Variants in NDST4 observed in about 807,000 individuals in gnomAD.
NDST4 encodes the protein N-deacetylase and N-sulfotransferase 4.
NDST4 carries 63 observed loss-of-function variants against 100.8 expected under a neutral mutation model. The observed-to-expected ratio is 0.62, with a 90% confidence interval of 0.51 to 0.77. The LOEUF (loss-of-function observed/expected upper bound fraction) is 0.77, where lower values mean the gene tolerates loss of function less well. Among genes scored for constraint, NDST4 ranks in the 30% least tolerant of loss-of-function variants. The probability of loss-of-function intolerance (pLI) is 0.00; values close to 1 mark genes in which losing one functional copy is unlikely to be tolerated. For synonymous variants in NDST4, 377 were observed against 361.8 expected (o/e 1.04, Z -0.48); for missense variants, 943 against 1,018.4 (o/e 0.93, Z 1.01).
At position 115,083,275 on chromosome 4, in the gene NDST4, A is replaced by T. The variant is rs367578100; in HGVS notation, c.-246-5993T>A. Among the ~76,000 whole-genome samples the T allele has an allele frequency of 2.0e-5, 3 of 152,224 alleles. No individual in the cohort carries two copies. In the East Asian group the frequency reaches 5.8e-4, roughly 29 times the overall value. On this transcript the variant is annotated intron_variant, in intron 1 of 13. Transcript: ENST00000264363. The stretch of plus-strand genomic sequence containing the variant: ...AGACCAGCCTGGACAACAAAACAAG[A>T]TCTTGTCTCAACACAAAAGAAAAAA...
rs766771204 is a variant in NDST4, at chr4:115,076,157, T to C, written c.880A>G (p.Lys294Glu). 6 of 1,613,796 alleles carry C rather than the reference T, an allele frequency of 3.7e-6. No individual in the cohort carries two copies. Among genetic ancestry groups the C allele is most frequent in the Non-Finnish European group, 5.1e-6 (6 of 1,179,910 alleles). ...CTGTCCAAGGACAATGTCAGCCTCT[T>C]CCCTGACAAGAAGGAGATGGCATCT... The part of the protein sequence containing the change: ...FIDAISFLSG[K>E]RLTLSLDRYI... The change falls in exon 2 of 14, where the codon AAG becomes GAG. Residue 294 changes from lysine to glutamate, a missense_variant. Transcript: ENST00000264363.
chr4:114,995,029 T>C (rs932791802), intron 2 of NDST4, among the ~76,000 whole-genome samples: 2 of 152,056 alleles, frequency 1.3e-5, no homozygotes, highest in Non-Finnish European at 2.9e-5. Context: ...GGACCAGAAG[T>C]ATAAATTTAG....
At chr4:115,026,700 G>A (rs896887909) in intron 2 of NDST4, among the ~76,000 whole-genome samples, 1 of 147,458 alleles carries the variant, frequency 6.8e-6, no homozygotes, top group Non-Finnish European at 1.5e-5. Context: ...GGTTGCGGGG[G>A]CTGGGGGGAA....
At chr4:115,066,050 C>T (rs150198676) in intron 2 of NDST4, among the ~76,000 whole-genome samples, 159 of 152,252 alleles carry the variant, frequency 1.0e-3, no homozygotes, top group Non-Finnish European at 1.6e-3. Context: ...TACTGTCACC[C>T]TGTCTTGGTC....
chr4:114,925,134 T>C (rs1725363218), intron 6 of NDST4, among the ~76,000 whole-genome samples: 1 of 152,150 alleles, frequency 6.6e-6, no homozygotes, highest in Non-Finnish European at 1.5e-5. Flanking sequence ...TATTATCTCA[T>C]TGTCATAATT....
At chr4:114,986,832 A>ATATATATATATATATAT in intron 2 of NDST4, among the ~76,000 whole-genome samples, 2 of 94,654 alleles carry the variant, frequency 2.1e-5, no homozygotes, top group African/African-American at 3.7e-5. Context: ...ATATATATAT[A>ATATATATATATATATAT]TTTTAATATA....
chr4:114,946,873 C>T (rs1725877961), intron 4 of NDST4, among the ~76,000 whole-genome samples: 1 of 151,944 alleles, frequency 6.6e-6, no homozygotes, highest in Non-Finnish European at 1.5e-5. Context: ...TTTTCACATG[C>T]TTAAAATTAA....
At chr4:115,012,861 T>C (rs1429916591) in intron 2 of NDST4, among the ~76,000 whole-genome samples, 1 of 152,014 alleles carries the variant, frequency 6.6e-6, no homozygotes, top group Non-Finnish European at 1.5e-5. Context: ...CAATGGAGTA[T>C]TATTTAGAAG....
At chr4:114,879,629 T>C (rs1724324892) in intron 6 of NDST4, among the ~76,000 whole-genome samples, 2 of 152,176 alleles carry the variant, frequency 1.3e-5, no homozygotes, top group African/African-American at 4.8e-5. Flanking sequence ...TTTACTGCTG[T>C]ATCTTCAATG....
At chr4:114,937,257 C>T in intron 5 of NDST4, 61 bp downstream of exon 5, 1 of 1,565,904 alleles carries the variant, frequency 6.4e-7, no homozygotes, top group Non-Finnish European at 8.8e-7. Context: ...AAATGGCCCT[C>T]TGTCTTCATT....
intron 2 of NDST4, among the ~76,000 whole-genome samples, chr4:115,006,583 G>T (rs149170931): frequency 2.0e-5 from 3 of 152,098 alleles, no homozygotes; most frequent in Non-Finnish European, 2.9e-5. Context: ...AGAGGCATAG[G>T]AATGAGATTC....
chr4:115,066,618 G>T (rs913036478), intron 2 of NDST4, among the ~76,000 whole-genome samples: 10 of 152,058 alleles, frequency 6.6e-5, no homozygotes, highest in African/African-American at 1.4e-4. Flanking sequence ...GATACTCTTT[G>T]TTTACATGGA....
chr4:115,098,905 A>T (rs1033595740), intron 1 of NDST4, among the ~76,000 whole-genome samples: 1 of 152,130 alleles, frequency 6.6e-6, no homozygotes, highest in South Asian at 2.1e-4. Context: ...CAGTGGTCTC[A>T]CTATGTTACC....
intron 7 of NDST4, among the ~76,000 whole-genome samples, chr4:114,868,502 T>G (rs1350264759): frequency 6.6e-6 from 1 of 152,100 alleles, no homozygotes; most frequent in East Asian, 1.9e-4. Flanking sequence ...TTTGGCAAAG[T>G]TCATCAGATT....
intron 6 of NDST4, among the ~76,000 whole-genome samples, chr4:114,891,695 C>T (rs1346780249): frequency 6.6e-6 from 1 of 152,126 alleles, no homozygotes; most frequent in African/African-American, 2.4e-5. Flanking sequence ...GCACCAAACA[C>T]TGCATTAATC....
At chr4:114,983,688 G>T (rs1726832209) in intron 2 of NDST4, among the ~76,000 whole-genome samples, 1 of 152,138 alleles carries the variant, frequency 6.6e-6, no homozygotes, top group South Asian at 2.1e-4. Context: ...GACTGAGGGA[G>T]ACTGTTGGAA....
intron 1 of NDST4, among the ~76,000 whole-genome samples, chr4:115,082,895 T>C (rs1480540365): frequency 6.6e-6 from 1 of 152,188 alleles, no homozygotes; most frequent in Admixed American, 6.5e-5. Context: ...AAAGTTCAGC[T>C]ATTCAAAGCC....
chr4:115,088,107 G>T (rs1437973778), intron 1 of NDST4, among the ~76,000 whole-genome samples: 1 of 151,560 alleles, frequency 6.6e-6, no homozygotes, highest in Non-Finnish European at 1.5e-5. Flanking sequence ...CTATTTTGAT[G>T]ATTTCAATAA....
chr4:115,004,795 T>A (rs1727377870), intron 2 of NDST4, among the ~76,000 whole-genome samples: 1 of 152,164 alleles, frequency 6.6e-6, no homozygotes, highest in African/African-American at 2.4e-5. Flanking sequence ...GGGCAAAAGT[T>A]CCCAGGGTTT....
Sources: allele counts gnomAD v4.1 joint callset (sites outside exome capture counted in the v4.1 genomes callset), GRCh38; gene constraint gnomAD v4.1.1; transcripts MANE v1.5; gene names NCBI Gene and HGNC (gene_info 2026-07-23, HGNC 2026-07-21).